PIWIL3: variants seen among roughly 807,000 people sequenced by gnomAD.
PIWIL3 encodes piwi-like protein 3.
PIWIL3 carries 101 observed loss-of-function variants against 109.7 expected under a neutral mutation model. That is an observed-to-expected ratio of 0.92 (90% CI 0.78 to 1.09). The LOEUF is 1.09. PIWIL3 is among the 50% of genes least tolerant of loss of function. The pLI, the probability that PIWIL3 is intolerant of heterozygous loss-of-function variation, is 0.00. For missense variants in PIWIL3, 1,031 were observed against 1,072.6 expected (o/e 0.96, Z 0.54); for synonymous variants, 373 against 376.4 (o/e 0.99, Z 0.10).
chr22:24,762,732 G>A (rs1925511667), intron 1 of PIWIL3, among the ~76,000 whole-genome samples: 1 of 152,210 alleles, frequency 6.6e-6, no homozygotes, highest in Admixed American at 6.5e-5. Context: ...AAAAGCAAAA[G>A]TGGGGGAGAG....
chr22:24,773,698 T>G (rs1274646790), intron 1 of PIWIL3, among the ~76,000 whole-genome samples: 1 of 147,068 alleles, frequency 6.8e-6, no homozygotes, highest in Non-Finnish European at 1.5e-5. Flanking sequence ...TACAAGACAC[T>G]CTAGATTTTT....
rs548864243 is a variant in PIWIL3 at position 24,754,144 on chromosome 22, C to A, written c.847G>T (p.Asp283Tyr). The change falls in exon 8 of 21, where the codon GAT becomes TAT. Residue 283 changes from aspartate to tyrosine, a missense_variant. Coordinates refer to ENST00000616349, the MANE Select transcript of PIWIL3 (RefSeq NM_001255975.1). ...QYENSITLCA[D>Y]VSHKLLRIET... is the part of the protein sequence containing the mutation. ...ATTCGGAGCAGTTTGTGGCTCACAT[C>A]GGCACAGAGGGTAATGCTGTTTTCG... 4 of 1,613,888 alleles carry A rather than the reference C, an allele frequency of 2.5e-6. No homozygotes were observed. Among genetic ancestry groups the A allele is most frequent in the African/African-American group, 1.3e-5 (1 of 74,900 alleles).
chr22:24,733,924 T>G (rs887306547), intron 14 of PIWIL3, among the ~76,000 whole-genome samples, 160 bp downstream of exon 14: 1 of 152,230 alleles, frequency 6.6e-6, no homozygotes, highest in South Asian at 2.1e-4. Context: ...TACTCAGGAA[T>G]AGCTAAACCA....
intron 13 of PIWIL3, 88 bp from the exon 14 acceptor site, chr22:24,734,244 A>C: frequency 1.1e-5 from 16 of 1,516,784 alleles, no homozygotes; most frequent in Non-Finnish European, 1.4e-5. Context: ...AAAGTAAGAC[A>C]TGATAAAATA....
Position 24,765,021 on chromosome 22 carries a change from A to C in PIWIL3, c.-22-2500T>G, listed in dbSNP as rs16978940. Among the ~76,000 whole-genome samples, 1,415 of 152,308 alleles carry C rather than the reference A, an allele frequency of 9.3e-3. 24 individuals carry two copies. The highest frequency in any genetic ancestry group is 0.032 in the African/African-American group (1,334 of 41,558). On this transcript the variant is annotated intron_variant, in intron 1 of 20. Transcript: ENST00000616349. The stretch of plus-strand genomic sequence containing the variant: ...AAACCTGGAGATAATAACATAAGGG[A>C]GAGCTGAGCCAGTTGTCCTGTGGAC...
chr22:24,730,528 C>T (rs761785304), intron 14 of PIWIL3, among the ~76,000 whole-genome samples: 1 of 152,080 alleles, frequency 6.6e-6, no homozygotes, highest in African/African-American at 2.4e-5. Flanking sequence ...CCATGAATTA[C>T]AATCATATGC....
rs541004653 is a variant in PIWIL3, at chr22:24,757,033, C to T, written c.356-328G>A. On this transcript the variant is annotated intron_variant, in intron 4 of 20. Transcript: ENST00000616349. ...GGCAGAGGTTGCAGTGAGCTGAGAT[C>T]ATACTATTGCCCTCCAGCCTGGACA... 4.7e-4 allele frequency among the ~76,000 whole-genome samples: 61 copies of T among 129,920 alleles called. 3 individuals are homozygous for T. The South Asian group carries it at 0.016, about 33-fold the overall frequency. The allele number at this position is 129,920 out of a possible 152,430, so 85.2% of individuals were successfully genotyped here. A position where few individuals can be genotyped will look rare whatever the true frequency, so the allele number is the denominator to read the frequency against.
chr22:24,731,007 A>G (rs1923316958), intron 14 of PIWIL3, among the ~76,000 whole-genome samples: 2 of 152,204 alleles, frequency 1.3e-5, no homozygotes, highest in Admixed American at 1.3e-4. Flanking sequence ...TAAGTTAAAT[A>G]TTAACAGCTA....
intron 1 of PIWIL3, among the ~76,000 whole-genome samples, chr22:24,772,422 C>T (rs948522504): frequency 6.6e-6 from 1 of 152,156 alleles, no homozygotes; most frequent in African/African-American, 2.4e-5. Flanking sequence ...CAGGTATGTG[C>T]TGTGTGACCC....
At chr22:24,762,303 A>G in intron 2 of PIWIL3, 95 bp downstream of exon 2, 1 of 1,509,332 alleles carries the variant, frequency 6.6e-7, no homozygotes, top group Non-Finnish European at 8.8e-7. Flanking sequence ...ACTTAGCACT[A>G]TACCTGAACT....
rs148283497 is a variant in PIWIL3, at chr22:24,768,633, G to A, written c.-23+5689C>T. ...GTGGCTGACAGCAATGTCTCCCTCA[G>A]CCCTTACCTCTATGGGTGACAGGGC... On this transcript the variant is annotated intron_variant, in intron 1 of 20. Coordinates refer to ENST00000616349, the MANE Select transcript of PIWIL3 (RefSeq NM_001255975.1). Among the ~76,000 whole-genome samples the A allele has an allele frequency of 5.7e-3, 863 of 152,306 alleles. 4 individuals carry two copies. The highest frequency in any genetic ancestry group is 9.0e-3 in the Non-Finnish European group (615 of 68,020).
chr22:24,747,366 T>G (rs1433739209), intron 12 of PIWIL3, among the ~76,000 whole-genome samples: 3 of 152,060 alleles, frequency 2.0e-5, no homozygotes, highest in Non-Finnish European at 4.4e-5. Flanking sequence ...CAAGAAAACA[T>G]TGGGGAAACT....
intron 1 of PIWIL3, among the ~76,000 whole-genome samples, chr22:24,773,294 G>A (rs1044377505): frequency 6.6e-6 from 1 of 152,122 alleles, no homozygotes; most frequent in Non-Finnish European, 1.5e-5. Flanking sequence ...CTGCCTTCCT[G>A]CATGCCCTGC....
Position 24,730,805 on chromosome 22 carries a change from TTAC to T in PIWIL3, c.1708-2434_1708-2432del, listed in dbSNP as rs1923306260. Among the ~76,000 whole-genome samples the T allele has an allele frequency of 2.6e-5, 4 of 152,360 alleles. No individual in the cohort carries two copies. The South Asian group carries it at 8.3e-4, about 32-fold the overall frequency. ...AGGACTATGTTCCCTACTGGCATTT[TTAC>T]TACAAATGTCTGATTTTCAGGAATG... On this transcript the variant is annotated intron_variant, in intron 14 of 20. Transcript: ENST00000616349.
At chr22:24,748,353 C>T (rs901209366) in intron 12 of PIWIL3, among the ~76,000 whole-genome samples, 1 of 151,962 alleles carries the variant, frequency 6.6e-6, no homozygotes, top group Non-Finnish European at 1.5e-5. Flanking sequence ...ATGAGTAAGA[C>T]CTAGCATCTG....
intron 9 of PIWIL3, among the ~76,000 whole-genome samples, chr22:24,750,780 G>A (rs1310924866): frequency 1.3e-5 from 2 of 149,614 alleles, no homozygotes; most frequent in African/African-American, 4.9e-5. Flanking sequence ...GAGCCACTGC[G>A]CCCGGCCCAT....
At chr22:24,763,937 C>T (rs963566033) in intron 1 of PIWIL3, among the ~76,000 whole-genome samples, 7 of 152,202 alleles carry the variant, frequency 4.6e-5, no homozygotes, top group African/African-American at 1.7e-4. Context: ...GGTTCTTGGT[C>T]CCAACACCGC....
chr22:24,733,874 AC>A (rs1923497073), intron 14 of PIWIL3, among the ~76,000 whole-genome samples: 1 of 152,230 alleles, frequency 6.6e-6, no homozygotes, highest in South Asian at 2.1e-4. Flanking sequence ...AAAAGTAATT[AC>A]GAGTCTCCAA....
chr22:24,730,663 C>T (rs1183777256), intron 14 of PIWIL3, among the ~76,000 whole-genome samples: 1 of 151,714 alleles, frequency 6.6e-6, no homozygotes, highest in Admixed American at 6.6e-5. Context: ...TGAAATTACA[C>T]TAAAATATAA....
Sources: allele counts gnomAD v4.1 joint callset (sites outside exome capture counted in the v4.1 genomes callset), GRCh38; gene constraint gnomAD v4.1.1; transcripts MANE v1.5; gene names NCBI Gene and HGNC (gene_info 2026-07-23, HGNC 2026-07-21).